Variants in CNTNAP5 observed in about 807,000 individuals in gnomAD.
The protein encoded by CNTNAP5 is contactin-associated protein-like 5.
A neutral mutation model predicts 150.2 loss-of-function variants in CNTNAP5; 72 were observed. That is an observed-to-expected ratio of 0.48 (90% confidence interval 0.40 to 0.58). CNTNAP5 has a LOEUF of 0.58. Ranked by LOEUF, CNTNAP5 falls within the 20% of genes least tolerant of loss-of-function variation. CNTNAP5 has a pLI of 0.00. For synonymous variants in CNTNAP5, 672 were observed against 619.8 expected, an observed-to-expected ratio of 1.08 and a Z score of -1.25; for missense variants, 1,636 against 1,626.2, an observed-to-expected ratio of 1.01 and a Z score of -0.10.
rs376974164 is a variant in CNTNAP5, at chr2:124,565,414, T to C, written c.1756+2091T>C. ...CCAATTTTCTATGAAGTGATTATTA[T>C]GCATTGTATGCCGGTACCAAAATAT... On this transcript the variant is annotated intron_variant, in intron 11 of 23. Transcript: ENST00000682447. Among the ~76,000 whole-genome samples, 38 of 152,276 alleles carry C rather than the reference T, an allele frequency of 2.5e-4. No homozygotes were observed. The East Asian group carries it at 5.0e-3, about 20-fold the overall frequency.
At chr2:124,778,149 G>A (rs147905498) in intron 17 of CNTNAP5, among the ~76,000 whole-genome samples, 2 of 152,254 alleles carry the variant, frequency 1.3e-5, no homozygotes, top group African/African-American at 4.8e-5. Flanking sequence ...GGCTGCCCTG[G>A]AGCTAATGTG....
chr2:124,208,081 C>CA (rs1185640369), intron 1 of CNTNAP5, among the ~76,000 whole-genome samples: 1 of 151,934 alleles, frequency 6.6e-6, no homozygotes, highest in African/African-American at 2.4e-5. Flanking sequence ...AGCCTGTCCC[C>CA]AAAAAATCAT....
chr2:124,362,529 C>T (rs192989199), intron 3 of CNTNAP5, among the ~76,000 whole-genome samples: 71 of 152,220 alleles, frequency 4.7e-4, no homozygotes, highest in Admixed American at 3.5e-3. Context: ...TTTTTTAAAT[C>T]ACTGTTTACC....
intron 1 of CNTNAP5, among the ~76,000 whole-genome samples, chr2:124,153,569 T>G (rs919205696): frequency 6.6e-6 from 1 of 151,606 alleles, no homozygotes; most frequent in Non-Finnish European, 1.5e-5. Flanking sequence ...CTCTATACCT[T>G]TACATGAAGA....
At chr2:124,362,382 A>T (rs186663044) in intron 3 of CNTNAP5, among the ~76,000 whole-genome samples, 2 of 152,354 alleles carry the variant, frequency 1.3e-5, no homozygotes, top group Admixed American at 1.3e-4. Flanking sequence ...CCTGAAAGCG[A>T]TAAAGAGGAT....
intron 19 of CNTNAP5, among the ~76,000 whole-genome samples, chr2:124,847,434 C>T (rs577126445): frequency 6.6e-6 from 1 of 152,284 alleles, no homozygotes; most frequent in East Asian, 1.9e-4. Flanking sequence ...CCCATGTAGT[C>T]CATAGTCCTG....
chr2:124,026,381 G>A, intron 1 of CNTNAP5, among the ~76,000 whole-genome samples: 2 of 152,310 alleles, frequency 1.3e-5, no homozygotes, highest in East Asian at 3.9e-4. Flanking sequence ...CTTTGTGCCT[G>A]TGAACACTAA....
At chr2:124,871,796 A>T (rs966623441) in intron 21 of CNTNAP5, among the ~76,000 whole-genome samples, 1 of 151,974 alleles carries the variant, frequency 6.6e-6, no homozygotes, top group African/African-American at 2.4e-5. Context: ...TCTTTTTAAA[A>T]TATCTTACTT....
chr2:124,299,479 G>A (rs1441361305), intron 3 of CNTNAP5, among the ~76,000 whole-genome samples: 1 of 152,110 alleles, frequency 6.6e-6, no homozygotes, highest in African/African-American at 2.4e-5. Context: ...AAGGATAATG[G>A]CCTCCAGCTC....
At chr2:124,530,451 A>G (rs567431912) in intron 10 of CNTNAP5, among the ~76,000 whole-genome samples, 19 of 152,204 alleles carry the variant, frequency 1.2e-4, no homozygotes, top group Non-Finnish European at 2.4e-4. Flanking sequence ...TAAGACCCTG[A>G]CACCTGCTTC....
chr2:124,763,761 C>G lies in CNTNAP5; in HGVS notation c.2324C>G (p.Ala775Gly), dbSNP rs747939728. The G allele has an allele frequency of 4.3e-6, 7 of 1,613,096 alleles. No individual in the cohort carries two copies. In the South Asian group the frequency reaches 7.7e-5, roughly 18 times the overall value. The change falls in exon 15 of 24, where the codon GCC becomes GGC. Residue 775 changes from alanine to glycine, a missense_variant. Transcript: ENST00000682447. The part of the protein sequence containing the change: ...ITDTDRSNSE[A>G]AWRIGPLRCY... ...GATACCGACAGATCAAACTCAGAAG[C>G]CGCTTGGAGAATTGGTCCCTTGCGT... is the stretch of plus-strand genomic sequence containing the variant.
chr2:124,514,129 G>C (rs138543799), intron 8 of CNTNAP5, among the ~76,000 whole-genome samples: 1 of 152,298 alleles, frequency 6.6e-6, no homozygotes, highest in African/African-American at 2.4e-5. Context: ...ATAGTAACAT[G>C]ATATCACAAC....
chr2:124,257,857 A>G lies in CNTNAP5; in HGVS notation c.381+15464A>G, dbSNP rs76080991. The stretch of plus-strand genomic sequence containing the variant: ...CTACTTGGTCTGGTATGGAGTAAAC[A>G]TTCAATAGTAACTTGCTGACTATTT... On this transcript the variant is annotated intron_variant, in intron 3 of 23. Transcript: ENST00000682447. Among the ~76,000 whole-genome samples, 222 of 152,296 alleles carry G rather than the reference A, an allele frequency of 1.5e-3. 1 individual carries two copies. The highest frequency in any genetic ancestry group is 5.0e-3 in the African/African-American group (207 of 41,576).
In CNTNAP5 at chr2:124,798,458, C is replaced by A. The variant is rs1681895785; in HGVS notation, c.3217+138C>A. On this transcript the variant is annotated intron_variant, in intron 19 of 23. Transcript: ENST00000682447. ...TTATTTCCAGACTTCCAGCCAAATC[C>A]TTGATTATTCTTTACCTTTATGAGA... The A allele has an allele frequency of 1.3e-5, 8 of 634,108 alleles. No homozygotes were observed. In the South Asian group the frequency reaches 1.4e-4, roughly 11 times the overall value. The allele number at this position is 634,108 out of a possible 1,614,324, so 39.3% of individuals were successfully genotyped here. A position where few individuals can be genotyped will look rare whatever the true frequency, so the allele number is the denominator to read the frequency against.
At chr2:124,576,164 ATATC>A in intron 11 of CNTNAP5, among the ~76,000 whole-genome samples, 2 of 152,114 alleles carry the variant, frequency 1.3e-5, no homozygotes, top group South Asian at 4.2e-4. Flanking sequence ...ATCTATATCT[ATATC>A]TATATATATG....
chr2:124,600,633 T>C lies in CNTNAP5; in HGVS notation c.1757-9168T>C, dbSNP rs181404158. The stretch of plus-strand genomic sequence containing the variant: ...CTGGTAAATGTAGTTCCAGTTTGGC[T>C]TAAATTGACACAACTCGAATCCACC... On this transcript the variant is annotated intron_variant, in intron 11 of 23. Transcript: ENST00000682447. Among the ~76,000 whole-genome samples, 13 of 151,982 alleles carry C rather than the reference T, an allele frequency of 8.6e-5. No homozygotes were observed. In the East Asian group the frequency reaches 2.5e-3, roughly 30 times the overall value.
intron 12 of CNTNAP5, among the ~76,000 whole-genome samples, chr2:124,637,660 A>G (rs1003471956): frequency 1.3e-5 from 2 of 152,138 alleles, no homozygotes; most frequent in Non-Finnish European, 2.9e-5. Flanking sequence ...TTAAGTTATT[A>G]CACTGGAATC....
At chr2:124,822,451 C>A (rs1416332152) in intron 19 of CNTNAP5, among the ~76,000 whole-genome samples, 1 of 152,096 alleles carries the variant, frequency 6.6e-6, no homozygotes, top group African/African-American at 2.4e-5. Context: ...TTATGAAACA[C>A]AAATCATCTA....
intron 19 of CNTNAP5, among the ~76,000 whole-genome samples, chr2:124,832,237 A>G (rs1243823044): frequency 6.6e-6 from 1 of 152,096 alleles, no homozygotes; most frequent in African/African-American, 2.4e-5. Flanking sequence ...CTTATTTATT[A>G]AGGATTTTCT....
Sources: allele counts gnomAD v4.1 joint callset (sites outside exome capture counted in the v4.1 genomes callset), GRCh38; gene constraint gnomAD v4.1.1; transcripts MANE v1.5; gene names NCBI Gene and HGNC (gene_info 2026-07-23, HGNC 2026-07-21).